Variants in MED24 observed in about 807,000 individuals in gnomAD.
MED24 encodes the protein mediator of RNA polymerase II transcription subunit 24.
MED24 carries 74 observed loss-of-function variants against 118.8 expected under a neutral mutation model. The observed-to-expected ratio is 0.62, with a 90% CI of 0.52 to 0.76. The LOEUF (loss-of-function observed/expected upper bound fraction) is 0.76, where lower values mean the gene tolerates loss of function less well. MED24 is among the 30% of genes least tolerant of loss of function. The pLI is 0.00. For synonymous variants in MED24, 521 were observed against 523.9 expected (o/e 0.99, Z 0.08); for missense variants, 1,041 against 1,278.9 (o/e 0.81, Z 2.84).
intron 5 of MED24, 66 bp from the exon 6 acceptor site, chr17:40,035,415 T>G: frequency 2.1e-6 from 3 of 1,441,094 alleles, no homozygotes; most frequent in Non-Finnish European, 2.8e-6. Context: ...CACATCAATG[T>G]TCCCCAGAGT....
chr17:40,030,666 A>ATTTAT lies in MED24; in HGVS notation c.1154+492_1154+493insATAAA, dbSNP rs1555665368. Among the ~76,000 whole-genome samples the ATTTAT allele has an allele frequency of 1.8e-4, 23 of 129,914 alleles. 1 individual carries two copies. Among genetic ancestry groups the ATTTAT allele is most frequent in the African/African-American group, 6.6e-4 (23 of 35,014 alleles). 85.2% of individuals were successfully genotyped at this position (129,914 alleles called of 152,430 possible). A position where few individuals can be genotyped will look rare whatever the true frequency, so the allele number is the denominator to read the frequency against. ...ATTCAGGATTTTTATTTATTTATTT[A>ATTTAT]TTTTTTTTTTGAGACAAGGTCTCAC... On this transcript the variant is annotated intron_variant, in intron 12 of 25. Transcript: ENST00000394128.
intron 11 of MED24, 133 bp from the exon 12 acceptor site, chr17:40,031,378 G>C: frequency 8.3e-7 from 1 of 1,201,860 alleles, no homozygotes; most frequent in Non-Finnish European, 1.2e-6. Context: ...GGACGGTAGA[G>C]GGGCTCTGGG....
At chr17:40,032,149 C>T (rs1227712685) in intron 9 of MED24, 59 bp from the exon 10 acceptor site, 1 of 1,581,172 alleles carries the variant, frequency 6.3e-7, no homozygotes. Flanking sequence ...TTTCATCTAC[C>T]CCTGAAGGCA....
chr17:40,023,636 C>T, intron 19 of MED24: 2 of 461,958 alleles, frequency 4.3e-6, no homozygotes, highest in South Asian at 8.5e-5. Flanking sequence ...GAGGGACTTT[C>T]CTCCCCCTGG....
At position 40,022,406 on chromosome 17, in the gene MED24, G is replaced by C; in HGVS notation, c.2511C>G (p.Arg837=). ...QASTRQKKRH[R]EDIEDYISLF... ...CTGGGGGGCCTACCTCAATGTCTTC[G>C]CGGTGTCTCTTCTTCTGGCGGGTGG... The change falls in exon 22 of 26, where the codon CGC becomes CGG. Residue 837 remains arginine, a synonymous_variant. Transcript: ENST00000394128. The C allele has an allele frequency of 1.2e-6, 2 of 1,609,582 alleles. No homozygotes were observed. Among genetic ancestry groups the C allele is most frequent in the Non-Finnish European group, 1.7e-6 (2 of 1,178,146 alleles).
chr17:40,034,983 GA>G (rs748660955), intron 6 of MED24, 133 bp downstream of exon 6: 9 of 1,607,132 alleles, frequency 5.6e-6, no homozygotes, highest in Admixed American at 3.4e-5. Context: ...CTTATGGGGA[GA>G]AAAAAAAGGA....
Position 40,027,931 on chromosome 17 carries a change from T to G in MED24, c.1425A>C (p.Thr475=), listed in dbSNP as rs769014538. ...TACTGCTTTCTTCGCTGCCATAGGT[T>G]GTGAATTCATTCAAACTGAAAGGAA... The part of the protein sequence containing the change: ...ARKFINLNEF[T]TYGSEESTKP... Residue 475 remains threonine, a synonymous_variant, in exon 15 of 26, where the codon ACA becomes ACC. Transcript: ENST00000394128. 2 of 1,613,786 alleles carry G rather than the reference T, an allele frequency of 1.2e-6. No homozygotes were observed. The highest frequency in any genetic ancestry group is 1.7e-6 in the Non-Finnish European group (2 of 1,179,978).
At chr17:40,047,565 G>A (rs1418927492) in intron 3 of MED24, among the ~76,000 whole-genome samples, 1 of 151,926 alleles carries the variant, frequency 6.6e-6, no homozygotes, top group South Asian at 2.1e-4. Flanking sequence ...CGGAGGCTGA[G>A]GCAGGAGAAT....
At chr17:40,030,662 A>T (rs1402251664) in intron 12 of MED24, among the ~76,000 whole-genome samples, 4 of 73,880 alleles carry the variant, frequency 5.4e-5, no homozygotes, top group Admixed American at 3.2e-4. Flanking sequence ...TTATTTATTT[A>T]TTTATTTTTT....
intron 12 of MED24, among the ~76,000 whole-genome samples, chr17:40,030,547 G>T (rs1380616296): frequency 6.6e-6 from 1 of 151,784 alleles, no homozygotes; most frequent in African/African-American, 2.4e-5. Flanking sequence ...ACCCGCCTTG[G>T]CCTCCCAAAT....
rs1213872825 is a variant in MED24 at position 40,053,568 on chromosome 17, A to G, written c.31T>C (p.Leu11=). The G allele has an allele frequency of 6.2e-7, 1 of 1,614,222 alleles. No individual in the cohort carries two copies. ...CTCCAGCGCTCCTTCCAGGCTTGCA[A>G]AATGGCTTGCTTCAGGTTGACCACC... is the stretch of plus-strand genomic sequence containing the variant. MKVVNLKQAI[L]QAWKERWSDY... Residue 11 remains leucine, a synonymous_variant, in exon 2 of 26, where the codon TTG becomes CTG. Transcript: ENST00000394128.
rs1286674452 is a variant in MED24 at position 40,022,919 on chromosome 17, C to A, written c.2251-93G>T. 45 of 1,465,590 alleles carry A rather than the reference C, an allele frequency of 3.1e-5. No individual in the cohort carries two copies. In the Admixed American group the frequency reaches 8.8e-4, roughly 29 times the overall value. The allele number at this position is 1,465,590 out of a possible 1,614,324, so 90.8% of individuals were successfully genotyped here. ...ACCCCAGCATGGCTGTCCAGTAAGG[C>A]CCGCAGAGGGGGCCCCAGATGTTGC... On this transcript the variant is annotated intron_variant, in intron 20 of 25. Coordinates refer to ENST00000394128, the MANE Select transcript of MED24 (RefSeq NM_014815.4).
At chr17:40,038,435 G>A (rs572184788) in intron 3 of MED24, among the ~76,000 whole-genome samples, 212 of 152,058 alleles carry the variant, frequency 1.4e-3, no homozygotes, top group African/African-American at 4.7e-3. Context: ...GCTGTCGGCC[G>A]GGTGCAGTCG....
intron 3 of MED24, 149 bp downstream of exon 3, chr17:40,053,149 G>A: frequency 1.4e-6 from 1 of 721,452 alleles, no homozygotes; most frequent in Non-Finnish European, 2.3e-6. Flanking sequence ...TACGCAGGCT[G>A]GTCTTGAACT....
In MED24 at chr17:40,019,628, C is replaced by T. The variant is rs151063350; in HGVS notation, c.2871G>A (p.Lys957=). 6.3e-7 allele frequency: 1 copy of T among 1,598,272 alleles called. No homozygotes were observed. Among genetic ancestry groups the T allele is most frequent in the African/African-American group, 1.3e-5 (1 of 74,790 alleles). ...CCTTGGGGCTGGACATGGCTGACAC[C>T]TTCACCAGTTCCGACACCTGCCACG... is the stretch of plus-strand genomic sequence containing the variant. ...MPFTTVSELV[K]VSAMSSPKVV... Residue 957 remains lysine (K), a synonymous_variant, in exon 26 of 26, where the codon AAG becomes AAA. Transcript: ENST00000394128.
intron 9 of MED24, 93 bp downstream of exon 9, chr17:40,032,556 G>C (rs955822430): frequency 4.2e-6 from 4 of 958,504 alleles, no homozygotes; most frequent in South Asian, 1.6e-5. Flanking sequence ...CCCAGTGCCC[G>C]CAGGGAGGAA....
rs1419928278 is a variant in MED24, at chr17:40,022,356, G to T, written c.2523+38C>A. On this transcript the variant is annotated intron_variant, in intron 22 of 25. Coordinates refer to ENST00000394128, the MANE Select transcript of MED24 (RefSeq NM_014815.4). ...TTAGGAAATGCTGTAACAAACCGGT[G>T]AACAAGTGAAGCCGGCGAGGGCAGC... 2.6e-6 allele frequency: 4 copies of T among 1,564,002 alleles called. No individual in the cohort carries two copies. In the Admixed American group the frequency reaches 7.5e-5, roughly 29 times the overall value.
chr17:40,028,101 G>GT (rs1364747968), intron 14 of MED24, 155 bp from the exon 15 acceptor site: 1,989 of 765,156 alleles, frequency 2.6e-3, no homozygotes, highest in Non-Finnish European at 3.5e-3. Flanking sequence ...GGTTTTTGTG[G>GT]TTTTTGTTTT....
At position 40,027,713 on chromosome 17, in the gene MED24, A is replaced by G. The variant is rs1598341209; in HGVS notation, c.1447+196T>C. 3.8e-5 allele frequency: 26 copies of G among 692,732 alleles called. No individual in the cohort carries two copies. The East Asian group carries it at 7.0e-4, about 19-fold the overall frequency. 42.9% of individuals were successfully genotyped at this position (692,732 alleles called of 1,614,324 possible). ...AAAGGGATGAGGGGGGGAAGGAGAC[A>G]CAGGGATGGTCTGGGAAGAATCCTT... On this transcript the variant is annotated intron_variant, in intron 15 of 25. Coordinates refer to ENST00000394128, the MANE Select transcript of MED24 (RefSeq NM_014815.4).
Sources: allele counts gnomAD v4.1 joint callset (sites outside exome capture counted in the v4.1 genomes callset), GRCh38; gene constraint gnomAD v4.1.1; transcripts MANE v1.5; gene names NCBI Gene and HGNC (gene_info 2026-07-23, HGNC 2026-07-21).